The following CMIP variants were observed in gnomAD, a reference collection of about 807,000 sequenced individuals.
CMIP encodes c-Maf inducing protein.
CMIP carries 13 observed loss-of-function variants against 97.3 expected under a neutral mutation model. The observed-to-expected ratio is 0.13, with a 90% CI of 0.09 to 0.21. The LOEUF is 0.21. Ranked by LOEUF, CMIP falls within the 10% of genes least tolerant of loss-of-function variation. CMIP has a pLI of 1.00. For synonymous variants in CMIP, 538 were observed against 436.3 expected (o/e 1.23, Z -2.91); for missense variants, 847 against 1,024.9 (o/e 0.83, Z 2.37).
chr16:81,476,398 G>T (rs1224693204), intron 1 of CMIP: 17 of 1,123,162 alleles, frequency 1.5e-5, no homozygotes, highest in Non-Finnish European at 2.3e-5. Flanking sequence ...TTTCTCTCCA[G>T]TGCTCAGAGC....
At chr16:81,648,991 C>A (rs1230422983) in intron 3 of CMIP, among the ~76,000 whole-genome samples, 1 of 152,044 alleles carries the variant, frequency 6.6e-6, no homozygotes, top group Non-Finnish European at 1.5e-5. Context: ...TCTTCTCTTG[C>A]CCGTCTCACT....
At chr16:81,574,579 C>T (rs1204467137) in intron 1 of CMIP, among the ~76,000 whole-genome samples, 1 of 152,256 alleles carries the variant, frequency 6.6e-6, no homozygotes, top group African/African-American at 2.4e-5. Flanking sequence ...TCACTAAAAA[C>T]AGTGACGGAA....
chr16:81,485,172 A>G (rs566552188), intron 1 of CMIP, among the ~76,000 whole-genome samples: 21 of 152,342 alleles, frequency 1.4e-4, no homozygotes, highest in Middle Eastern at 3.4e-3. Context: ...TTGCGTATGT[A>G]TACCAGAATG....
At chr16:81,464,526 ATTCG>A (rs375036742) in intron 1 of CMIP, 63 of 148,456 alleles carry the variant, frequency 4.2e-4, no homozygotes, top group African/African-American at 1.5e-3. Flanking sequence ...TCATTCATTC[ATTCG>A]TTTTGGCAGC....
At chr16:81,582,235 A>G (rs1296578956) in intron 1 of CMIP, among the ~76,000 whole-genome samples, 1 of 152,100 alleles carries the variant, frequency 6.6e-6, no homozygotes, top group East Asian at 1.9e-4. Flanking sequence ...TGGGGTGGGG[A>G]CACAGACCCA....
chr16:81,513,917 T>G (rs927223881), intron 1 of CMIP, among the ~76,000 whole-genome samples: 2 of 152,236 alleles, frequency 1.3e-5, no homozygotes, highest in Non-Finnish European at 2.9e-5. Flanking sequence ...AGGTGGGGCA[T>G]TCTTGCCCCC....
intron 1 of CMIP, among the ~76,000 whole-genome samples, chr16:81,471,076 C>T (rs928206938): frequency 8.5e-5 from 13 of 152,104 alleles, no homozygotes; most frequent in African/African-American, 3.1e-4. Flanking sequence ...CAAATATACC[C>T]ACATGCACAC....
intron 18 of CMIP, among the ~76,000 whole-genome samples, chr16:81,704,806 C>A (rs1239833662): frequency 6.7e-6 from 1 of 148,538 alleles, no homozygotes; most frequent in African/African-American, 2.5e-5. Flanking sequence ...GCTCAGCACC[C>A]ACTCCCTGAG....
chr16:81,631,067 A>G (rs1168532028), intron 3 of CMIP: 1 of 152,342 alleles, frequency 6.6e-6, no homozygotes, highest in Non-Finnish European at 1.5e-5. Flanking sequence ...ACTAGTAACC[A>G]GGGCTGCTTC....
chr16:81,562,242 C>T (rs2090897111), intron 1 of CMIP, among the ~76,000 whole-genome samples: 1 of 152,206 alleles, frequency 6.6e-6, no homozygotes, highest in South Asian at 2.1e-4. Context: ...GGACCCTCAG[C>T]CCCCATTGTG....
At chr16:81,456,391 C>G (rs901796477) in intron 1 of CMIP, among the ~76,000 whole-genome samples, 2 of 152,244 alleles carry the variant, frequency 1.3e-5, no homozygotes, top group East Asian at 1.9e-4. Context: ...GGCAGCCTAA[C>G]TCCAGAGCCA....
At chr16:81,584,892 C>G (rs1471339033) in intron 1 of CMIP, among the ~76,000 whole-genome samples, 1 of 152,198 alleles carries the variant, frequency 6.6e-6, no homozygotes, top group Non-Finnish European at 1.5e-5. Flanking sequence ...AGTCAACTCC[C>G]CCAACTGTTC....
intron 2 of CMIP, among the ~76,000 whole-genome samples, chr16:81,613,240 C>T (rs1307967604): frequency 2.0e-5 from 3 of 152,196 alleles, no homozygotes; most frequent in Non-Finnish European, 2.9e-5. Context: ...CACATCCTTC[C>T]TCCTCCTGCT....
chr16:81,449,896 G>A (rs1028547115), intron 1 of CMIP, among the ~76,000 whole-genome samples: 1 of 152,232 alleles, frequency 6.6e-6, no homozygotes, highest in African/African-American at 2.4e-5. Flanking sequence ...CATTTGCCTG[G>A]TGCAATCTGA....
At chr16:81,709,001 A>G (rs1908461205) in intron 20 of CMIP, among the ~76,000 whole-genome samples, 1 of 152,216 alleles carries the variant, frequency 6.6e-6, no homozygotes. Context: ...GCCAGTTAGG[A>G]GGCAGCTACC....
At chr16:81,682,251 A>G (rs1402688237) in intron 10 of CMIP, among the ~76,000 whole-genome samples, 1 of 150,964 alleles carries the variant, frequency 6.6e-6, no homozygotes, top group Non-Finnish European at 1.5e-5. Flanking sequence ...GTGCTGCCCA[A>G]ATGGGAGTTA....
chr16:81,688,570 C>T lies in CMIP; in HGVS notation c.1389-3205C>T, dbSNP rs536946058. ...AGAGTAAATGAACTAAGGTATAGCC[C>T]TTAGCATCCTGCAGTGTGTGTGGAA... On this transcript the variant is annotated intron_variant, in intron 10 of 20. Transcript: ENST00000537098. Among the ~76,000 whole-genome samples, 3 of 152,322 alleles carry T rather than the reference C, an allele frequency of 2.0e-5. No individual in the cohort carries two copies. In the South Asian group the frequency reaches 6.2e-4, roughly 32 times the overall value.
chr16:81,659,085 G>A (rs911821605), intron 5 of CMIP, among the ~76,000 whole-genome samples: 2 of 152,172 alleles, frequency 1.3e-5, no homozygotes, highest in South Asian at 2.1e-4. Context: ...GCTTTCACCC[G>A]GACTGTCCAT....
At chr16:81,493,724 G>A (rs1363169298) in intron 1 of CMIP, among the ~76,000 whole-genome samples, 1 of 152,222 alleles carries the variant, frequency 6.6e-6, no homozygotes, top group South Asian at 2.1e-4. Context: ...CCGAATATGA[G>A]GGCCTAACAT....
Sources: allele counts gnomAD v4.1 joint callset (sites outside exome capture counted in the v4.1 genomes callset), GRCh38; gene constraint gnomAD v4.1.1; transcripts MANE v1.5; gene names NCBI Gene and HGNC (gene_info 2026-07-23, HGNC 2026-07-21).